PPP1R12A: variants seen among roughly 807,000 people sequenced by gnomAD.
PPP1R12A encodes myosin binding subunit.
A neutral mutation model predicts 139.6 loss-of-function variants in PPP1R12A; 19 were observed. The observed-to-expected ratio is 0.14, with a 90% confidence interval of 0.09 to 0.20. The LOEUF is 0.20. PPP1R12A is among the 10% of genes least tolerant of loss of function. PPP1R12A has a pLI of 1.00. For missense variants in PPP1R12A, 925 were observed against 1,211.5 expected, an observed-to-expected ratio of 0.76 and a Z score of 3.51; for synonymous variants, 427 against 420.6, an observed-to-expected ratio of 1.02 and a Z score of -0.19.
At chr12:79,903,177 C>A (rs980303021) in intron 1 of PPP1R12A, among the ~76,000 whole-genome samples, 2 of 152,044 alleles carry the variant, frequency 1.3e-5, no homozygotes, top group Non-Finnish European at 2.9e-5. Flanking sequence ...ATAGGCCGGG[C>A]GTGGTGGCTC....
At chr12:79,923,442 T>C (rs546084649) in intron 1 of PPP1R12A, among the ~76,000 whole-genome samples, 7 of 152,312 alleles carry the variant, frequency 4.6e-5, no homozygotes, top group Non-Finnish European at 7.3e-5. Flanking sequence ...AGGGAAAATG[T>C]ATATGAATAT....
At chr12:79,916,903 C>T (rs568563159) in intron 1 of PPP1R12A, among the ~76,000 whole-genome samples, 49 of 146,334 alleles carry the variant, frequency 3.3e-4, no homozygotes, top group African/African-American at 1.2e-3. Context: ...TGAGATTTTT[C>T]TTTTTTTTTT....
chr12:79,890,167 T>C lies in PPP1R12A; in HGVS notation c.238-17229A>G, dbSNP rs574117381. 1.2e-4 allele frequency among the ~76,000 whole-genome samples: 18 copies of C among 152,240 alleles called. No homozygotes were observed. In the South Asian group the frequency reaches 3.5e-3, roughly 30 times the overall value. ...TGCCCTACATTTTGAGGCTACTTAA[T>C]AACATTGAATAAAATAAGAGATCAA... On this transcript the variant is annotated intron_variant, in intron 1 of 24. Transcript: ENST00000450142.
chr12:79,812,630 T>C (rs374587809), intron 9 of PPP1R12A, among the ~76,000 whole-genome samples: 4 of 152,094 alleles, frequency 2.6e-5, no homozygotes, highest in East Asian at 3.9e-4. Context: ...CAGTCCAGTC[T>C]CCTAAATTTC....
In PPP1R12A at chr12:79,783,301, A is replaced by AT. The variant is rs1037343078; in HGVS notation, c.2908-1440_2908-1439insA. Reference sequence around the variant, plus strand: ...GGTGAAACCCCGTCTCTACCAAAAAAAAAAAAAAAAAAGGAAAATTAAACA... The same window carrying AT: ...GGTGAAACCCCGTCTCTACCAAAAAATAAAAAAAAAAAAGGAAAATTAAACA... On this transcript the variant is annotated intron_variant, in intron 22 of 24. Transcript: ENST00000450142. 2.9e-4 allele frequency among the ~76,000 whole-genome samples: 44 copies of AT among 150,506 alleles called. 2 individuals are homozygous for AT. Among genetic ancestry groups the AT allele is most frequent in the Non-Finnish European group, 5.0e-4 (34 of 67,558 alleles).
At chr12:79,814,336 G>T (rs1346530742) in intron 9 of PPP1R12A, among the ~76,000 whole-genome samples, 1 of 151,564 alleles carries the variant, frequency 6.6e-6, no homozygotes, top group Non-Finnish European at 1.5e-5. Context: ...AATTAGCCAG[G>T]TGTGGTGGTG....
At chr12:79,909,066 TCAAGTA>T (rs1886349176) in intron 1 of PPP1R12A, among the ~76,000 whole-genome samples, 1 of 152,056 alleles carries the variant, frequency 6.6e-6, no homozygotes, top group Non-Finnish European at 1.5e-5. Context: ...ACCTGGTGAT[TCAAGTA>T]GTCCAGAGGC....
intron 23 of PPP1R12A, 35 bp downstream of exon 23, chr12:79,781,780 G>GA: frequency 2.3e-6 from 3 of 1,333,102 alleles, no homozygotes; most frequent in African/African-American, 1.5e-5. Context: ...AAACAAGAAA[G>GA]AAAAAAATAA....
intron 21 of PPP1R12A, chr12:79,787,395 G>A (rs758347495): frequency 1.3e-5 from 2 of 152,034 alleles, no homozygotes; most frequent in Non-Finnish European, 2.9e-5. Flanking sequence ...CCCCCACCAG[G>A]TCTATGTGCT....
intron 24 of PPP1R12A, 150 bp from the exon 25 acceptor site, chr12:79,776,165 A>T (rs1214139050): frequency 2.1e-6 from 1 of 480,940 alleles, no homozygotes; most frequent in African/African-American, 2.0e-5. Context: ...TGTATCAGGA[A>T]GAAGGAAAAA....
At chr12:79,876,913 A>G (rs1265180971) in intron 1 of PPP1R12A, among the ~76,000 whole-genome samples, 1 of 152,130 alleles carries the variant, frequency 6.6e-6, no homozygotes, top group East Asian at 1.9e-4. Context: ...CGGGAGACTG[A>G]GACAGGAGAA....
intron 2 of PPP1R12A, among the ~76,000 whole-genome samples, chr12:79,858,295 G>A (rs1880917476): frequency 6.6e-6 from 1 of 152,146 alleles, no homozygotes; most frequent in Admixed American, 6.5e-5. Flanking sequence ...AAACCCAAGA[G>A]CTTACCTATT....
At chr12:79,878,330 T>C (rs916098328) in intron 1 of PPP1R12A, 1 of 152,156 alleles carries the variant, frequency 6.6e-6, no homozygotes, top group Non-Finnish European at 1.5e-5. Flanking sequence ...GTATTCCTAG[T>C]AGTCTCCCAT....
chr12:79,779,302 A>T, intron 23 of PPP1R12A: 1 of 1,288,658 alleles, frequency 7.8e-7, no homozygotes, highest in Non-Finnish European at 1.0e-6. Flanking sequence ...GATGAGCTGT[A>T]AAACTGGTTA....
chr12:79,794,054 G>T, intron 18 of PPP1R12A, 126 bp from the exon 19 acceptor site: 1 of 659,036 alleles, frequency 1.5e-6, no homozygotes, highest in South Asian at 2.2e-5. Context: ...TAGATAGAAT[G>T]AGATGTCTAG....
chr12:79,858,915 G>C (rs1197909890), intron 2 of PPP1R12A, among the ~76,000 whole-genome samples: 1 of 152,084 alleles, frequency 6.6e-6, no homozygotes, highest in Non-Finnish European at 1.5e-5. Flanking sequence ...CCACTGATAG[G>C]CTTTCAATAA....
chr12:79,905,373 C>G (rs1200759390), intron 1 of PPP1R12A, among the ~76,000 whole-genome samples: 1 of 117,784 alleles, frequency 8.5e-6, no homozygotes, highest in African/African-American at 3.1e-5. Context: ...GAAGGAGAGG[C>G]ATCCAAATCT....
chr12:79,924,438 T>G (rs112786470), intron 1 of PPP1R12A, among the ~76,000 whole-genome samples: 2 of 152,180 alleles, frequency 1.3e-5, no homozygotes, highest in African/African-American at 4.8e-5. Flanking sequence ...CAACCTTTTT[T>G]TAAAATGTGA....
At chr12:79,880,476 C>G (rs887524688) in intron 1 of PPP1R12A, among the ~76,000 whole-genome samples, 129 of 152,204 alleles carry the variant, frequency 8.5e-4, no homozygotes, top group African/African-American at 3.0e-3. Flanking sequence ...GAATATAATG[C>G]AAAGACTGTA....
Sources: gnomAD v4.1 joint callset for allele counts (sites outside exome capture counted in the v4.1 genomes callset) on GRCh38, gnomAD v4.1.1 for gene constraint, MANE v1.5 for transcripts, NCBI Gene and HGNC (gene_info 2026-07-23, HGNC 2026-07-21) for gene names.